GAD1: variants seen among roughly 807,000 people sequenced by gnomAD.
The protein encoded by GAD1 is glutamate decarboxylase 1.
A neutral mutation model predicts 75.2 loss-of-function variants in GAD1; 35 were observed. The ratio of observed to expected loss-of-function variants is 0.47; its 90% CI spans 0.36 to 0.62. The LOEUF is 0.62. Ranked by LOEUF, GAD1 falls within the 20% of genes least tolerant of loss-of-function variation. The pLI, the probability that GAD1 is intolerant of heterozygous loss-of-function variation, is 0.00. For missense variants in GAD1, 490 were observed against 758.5 expected, an observed-to-expected ratio of 0.65 and a Z score of 4.16; for synonymous variants, 257 against 271.9, an observed-to-expected ratio of 0.95 and a Z score of 0.54.
At chr2:170,859,002 C>CT (rs1702908693) in intron 16 of GAD1, 109 bp downstream of exon 16, 4 of 1,021,322 alleles carry the variant, frequency 3.9e-6, no homozygotes, top group African/African-American at 1.6e-5. Flanking sequence ...AAAATAAAGC[C>CT]TTGGGGTGGG....
chr2:170,831,364 G>A (rs1036017662), intron 5 of GAD1, among the ~76,000 whole-genome samples, 172 bp downstream of exon 5: 2 of 152,116 alleles, frequency 1.3e-5, no homozygotes, highest in African/African-American at 2.4e-5. Context: ...AGTTGGTGGA[G>A]GGACCCGACC....
At chr2:170,821,525 C>T (rs1267723337) in intron 2 of GAD1, among the ~76,000 whole-genome samples, 1 of 152,160 alleles carries the variant, frequency 6.6e-6, no homozygotes, top group East Asian at 1.9e-4. Flanking sequence ...CATGCGAGCC[C>T]GATCATCTAG....
intron 4 of GAD1, 120 bp from the exon 5 acceptor site, chr2:170,830,830 T>C (rs1702202157): frequency 3.1e-6 from 4 of 1,299,574 alleles, no homozygotes; most frequent in South Asian, 2.6e-5. Context: ...TCAGTGCACA[T>C]ACATATCCCA....
At position 170,861,144 on chromosome 2, in the gene GAD1, G is replaced by T. The variant is rs576928497; in HGVS notation, c.*1262G>T. On this transcript the variant is annotated 3_prime_UTR_variant, in exon 17 of 17. Transcript: ENST00000358196. ...TAAAAATATTCTCCATGGAGAATTTGAACAAAATTTTCTTCTAGTTTGTGT... is the reference window on the plus strand; with the variant it reads ...TAAAAATATTCTCCATGGAGAATTTTAACAAAATTTTCTTCTAGTTTGTGT... The T allele has an allele frequency of 1.3e-5, 2 of 152,582 alleles. No homozygotes were observed. The highest frequency in any genetic ancestry group is 6.5e-5 in the Admixed American group (1 of 15,270). 9.5% of individuals were successfully genotyped at this position (152,582 alleles called of 1,614,324 possible). A position where few individuals can be genotyped will look rare whatever the true frequency, so the allele number is the denominator to read the frequency against.
At chr2:170,832,664 GCACACA>G (rs3049892) in intron 5 of GAD1, among the ~76,000 whole-genome samples, 188 of 78,966 alleles carry the variant, frequency 2.4e-3, no homozygotes, top group African/African-American at 4.4e-3. Context: ...GCGCGCGCGC[GCACACA>G]CACACACACA....
In GAD1 at chr2:170,859,070, G is replaced by A. The variant is rs761770668; in HGVS notation, c.1611+177G>A. Among the ~76,000 whole-genome samples the A allele has an allele frequency of 3.2e-4, 48 of 152,148 alleles. 1 individual carries two copies. The Middle Eastern group carries it at 0.01, about 32-fold the overall frequency. Reference sequence around the variant, plus strand: ...GTTATATTCCTCTTGAGCCTGCATCGCCCCCTTACTGTGGTTACCACGGGA... The same window carrying A: ...GTTATATTCCTCTTGAGCCTGCATCACCCCCTTACTGTGGTTACCACGGGA... On this transcript the variant is annotated intron_variant, in intron 16 of 16. Coordinates refer to ENST00000358196, the MANE Select transcript of GAD1 (RefSeq NM_000817.3).
upstream of GAD1, among the ~76,000 whole-genome samples, chr2:170,815,177 G>C (rs1054467674): frequency 5.3e-5 from 8 of 152,168 alleles, no homozygotes; most frequent in Non-Finnish European, 7.3e-5. Flanking sequence ...TTCAAGCAGC[G>C]CAGAGCAGCT....
chr2:170,839,029 TG>T (rs1276488769), intron 6 of GAD1, among the ~76,000 whole-genome samples: 20 of 152,256 alleles, frequency 1.3e-4, no homozygotes, highest in Admixed American at 9.8e-4. Flanking sequence ...GATCATGAAA[TG>T]TGGCAGCACT....
At chr2:170,822,040 G>T in intron 2 of GAD1, 47 bp from the exon 3 acceptor site, 3 of 1,509,054 alleles carry the variant, frequency 2.0e-6, no homozygotes, top group Non-Finnish European at 1.8e-6. Context: ...ATTTCCCCGC[G>T]GTCGGAACCT....
At chr2:170,830,510 G>A (rs1295052985) in intron 4 of GAD1, among the ~76,000 whole-genome samples, 1 of 152,206 alleles carries the variant, frequency 6.6e-6, no homozygotes, top group East Asian at 1.9e-4. Flanking sequence ...CTCCTCAGGG[G>A]GAACCCCAGC....
In GAD1 at chr2:170,847,758, T is replaced by C. The variant is rs768449364; in HGVS notation, c.1085T>C (p.Ile362Thr). ...GATCCGATACAAGAGATTGCAGATA[T>C]ATGTGAGAAATATAACCTTTGGTTG... ...AFDPIQEIAD[I>T]CEKYNLWLHV... The change falls in exon 11 of 17, where the codon ATA becomes ACA. Residue 362 changes from isoleucine (I) to threonine (T), a missense_variant. Physicochemically the swap from Ile to Thr is moderately conservative, Grantham distance 89 (BLOSUM62 -1). This residue lies in a region of GAD1 where 324 missense variants were observed against 523.9 expected (regional missense o/e 0.62). Coordinates refer to ENST00000358196, the MANE Select transcript of GAD1 (RefSeq NM_000817.3). The C allele has an allele frequency of 1.9e-6, 3 of 1,613,996 alleles. No homozygotes were observed. Among genetic ancestry groups the C allele is most frequent in the Non-Finnish European group, 2.5e-6 (3 of 1,179,830 alleles).
chr2:170,858,437 C>T (rs1306232040), intron 15 of GAD1, among the ~76,000 whole-genome samples: 2 of 152,206 alleles, frequency 1.3e-5, no homozygotes, highest in Non-Finnish European at 2.9e-5. Context: ...ATAAAATATT[C>T]ATCAGCATCC....
Position 170,831,083 on chromosome 2 carries a change from G to A in GAD1, c.438G>A (p.Gln146=), listed in dbSNP as rs1009077473. Residue 146 remains glutamine (Q), a synonymous_variant, in exon 5 of 17, where the codon CAG becomes CAA. Transcript: ENST00000358196. ...TGCTGGACTTTCATCACCCACACCA[G>A]TTGCTGGAAGGCATGGAGGGCTTCA... The part of the protein sequence containing the change: ...TKVLDFHHPH[Q]LLEGMEGFNL... The A allele has an allele frequency of 1.2e-6, 2 of 1,614,236 alleles. No homozygotes were observed. The highest frequency in any genetic ancestry group is 3.3e-5 in the Admixed American group (2 of 60,024).
intron 3 of GAD1, among the ~76,000 whole-genome samples, chr2:170,824,629 A>C (rs1301098578): frequency 6.6e-6 from 1 of 151,952 alleles, no homozygotes; most frequent in Non-Finnish European, 1.5e-5. Flanking sequence ...GCCCTTCCCC[A>C]AAATCCACAG....
chr2:170,818,275 C>T lies in GAD1; in HGVS notation c.-63-254C>T, dbSNP rs1701765395. ...CGTCTCGGCGCTTCACTCCAGGTCG[C>T]GCCGATGCACCGCCAGACTCGAGAG... is the stretch of plus-strand genomic sequence containing the variant. On this transcript the variant is annotated intron_variant, in intron 1 of 16. Coordinates refer to ENST00000358196, the MANE Select transcript of GAD1 (RefSeq NM_000817.3). This position sits in a 1 kb window ranked among gnomAD's most constrained non-coding sequence, Gnocchi z 5.9. 3 of 371,902 alleles carry T rather than the reference C, an allele frequency of 8.1e-6. No homozygotes were observed. The highest frequency in any genetic ancestry group is 3.0e-5 in the South Asian group (1 of 32,996). 23.0% of individuals were successfully genotyped at this position (371,902 alleles called of 1,614,324 possible).
chr2:170,828,057 TC>T (rs1702066584), intron 3 of GAD1, among the ~76,000 whole-genome samples: 3 of 28,760 alleles, frequency 1.0e-4, no homozygotes, highest in East Asian at 7.1e-4. Flanking sequence ...TCACCCCTCC[TC>T]CTTCTGCTGT....
upstream of GAD1, chr2:170,816,881 ATC>A (rs1194174286): frequency 6.1e-6 from 1 of 163,418 alleles, no homozygotes; most frequent in Non-Finnish European, 1.3e-5. Context: ...GCCTCTCCGA[ATC>A]TCTCTCTTCT....
Position 170,818,332 on chromosome 2 carries a change from A to C in GAD1, c.-63-197A>C. 1 of 535,906 alleles carries C rather than the reference A, an allele frequency of 1.9e-6. No homozygotes were observed. 33.2% of individuals were successfully genotyped at this position (535,906 alleles called of 1,614,324 possible). ...AGGGCTACGCTCCCTGCGCCCCAGTACCGGAGCTAGCGCGCACGTCTCCTC... is the reference window on the plus strand; with the variant it reads ...AGGGCTACGCTCCCTGCGCCCCAGTCCCGGAGCTAGCGCGCACGTCTCCTC... On this transcript the variant is annotated intron_variant, in intron 1 of 16. Coordinates refer to ENST00000358196, the MANE Select transcript of GAD1 (RefSeq NM_000817.3). The surrounding 1 kb of genome is among the most constrained non-coding windows in gnomAD (Gnocchi z 5.9).
chr2:170,838,877 T>C (rs45626540), intron 6 of GAD1, among the ~76,000 whole-genome samples: 3,373 of 152,360 alleles, frequency 0.022, 129 homozygotes, highest in Admixed American at 0.1. Context: ...GAGATATTTA[T>C]AAAATATGAC....
Sources: allele counts gnomAD v4.1 joint callset (sites outside exome capture counted in the v4.1 genomes callset), GRCh38; gene constraint gnomAD v4.1.1; regional missense constraint gnomAD v4.1.1; non-coding constraint Gnocchi (gnomAD v3.1); transcripts MANE v1.5; gene names NCBI Gene and HGNC (gene_info 2026-07-23, HGNC 2026-07-21).